Variants in ZDHHC17 observed in about 807,000 individuals in gnomAD.
ZDHHC17 encodes the protein palmitoyltransferase ZDHHC17.
A neutral mutation model predicts 90.3 loss-of-function variants in ZDHHC17; 40 were observed. The observed-to-expected ratio is 0.44, with a 90% CI of 0.34 to 0.58. ZDHHC17 has a LOEUF of 0.58. Ranked by LOEUF, ZDHHC17 falls within the 20% of genes least tolerant of loss-of-function variation. The pLI is 0.01. For missense variants in ZDHHC17, 614 were observed against 780.8 expected, an observed-to-expected ratio of 0.79 and a Z score of 2.55; for synonymous variants, 235 against 252.4, an observed-to-expected ratio of 0.93 and a Z score of 0.65.
chr12:76,832,945 C>A (rs879350423), intron 10 of ZDHHC17, among the ~76,000 whole-genome samples: 1,685 of 152,286 alleles, frequency 0.011, 11 homozygotes, highest in Non-Finnish European at 0.017. Context: ...GGCACTTTTT[C>A]AGTGCCATGA....
At chr12:76,797,940 G>C (rs1952841051) in intron 2 of ZDHHC17, among the ~76,000 whole-genome samples, 1 of 67,854 alleles carries the variant, frequency 1.5e-5, no homozygotes, top group Non-Finnish European at 2.8e-5. Flanking sequence ...GTGAAACTCT[G>C]CCACACACAC....
intron 12 of ZDHHC17, chr12:76,843,882 A>G (rs1370331764): frequency 6.6e-6 from 1 of 152,104 alleles, no homozygotes; most frequent in Non-Finnish European, 1.5e-5. Flanking sequence ...AAAATTCTTT[A>G]TTACACTTAA....
chr12:76,846,717 T>C (rs1452393754), intron 14 of ZDHHC17, 38 bp downstream of exon 14: 1 of 1,487,034 alleles, frequency 6.7e-7, no homozygotes, highest in African/African-American at 1.4e-5. Flanking sequence ...TAAAACAAAT[T>C]TCTGCATACT....
intron 2 of ZDHHC17, 104 bp downstream of exon 2, chr12:76,797,641 A>C: frequency 4.4e-4 from 369 of 840,660 alleles, no homozygotes; most frequent in Non-Finnish European, 5.5e-4. Flanking sequence ...AGTATATCTC[A>C]ATTAAAAAAT....
chr12:76,809,123 T>C lies in ZDHHC17; in HGVS notation c.398+3T>C. The C allele has an allele frequency of 6.5e-7, 1 of 1,534,048 alleles. No individual in the cohort carries two copies. The highest frequency in any genetic ancestry group is 1.3e-5 in the South Asian group (1 of 74,704). On this transcript the variant is annotated splice_donor_region_variant and intron_variant, in intron 4 of 16. Transcript: ENST00000426126. ...ACTCCATTGCACTGGGCCACAAGGT[T>C]TAAATTTGCTTCTGGATTTTTTTCC... is the stretch of plus-strand genomic sequence containing the variant.
At chr12:76,775,594 A>G (rs1165740594) in intron 1 of ZDHHC17, among the ~76,000 whole-genome samples, 1 of 152,246 alleles carries the variant, frequency 6.6e-6, no homozygotes, top group African/African-American at 2.4e-5. Flanking sequence ...ATTTGAAGTG[A>G]TAAAAAAGCA....
Position 76,853,611 on chromosome 12 carries a change from A to G in ZDHHC17, c.*2626A>G, listed in dbSNP as rs1237577514. 1 of 152,514 alleles carries G rather than the reference A, an allele frequency of 6.6e-6. No homozygotes were observed. Among genetic ancestry groups the G allele is most frequent in the African/African-American group, 2.4e-5 (1 of 41,436 alleles). 9.4% of individuals were successfully genotyped at this position (152,514 alleles called of 1,614,324 possible). Reference sequence around the variant, plus strand: ...TTATTCTGTGGAAAGAAAAACCTGTAAAGTGTTTAATAAATTAGCCCTCCT... The same window carrying G: ...TTATTCTGTGGAAAGAAAAACCTGTGAAGTGTTTAATAAATTAGCCCTCCT... On this transcript the variant is annotated 3_prime_UTR_variant, in exon 17 of 17. Coordinates refer to ENST00000426126, the MANE Select transcript of ZDHHC17 (RefSeq NM_015336.4).
intron 7 of ZDHHC17, among the ~76,000 whole-genome samples, chr12:76,816,465 A>G (rs1035220592): frequency 6.6e-6 from 1 of 152,088 alleles, no homozygotes; most frequent in Non-Finnish European, 1.5e-5. Context: ...TCTTTCAGCA[A>G]CGAACTCGTT....
intron 6 of ZDHHC17, 103 bp downstream of exon 6, chr12:76,815,313 C>T: frequency 3.1e-6 from 2 of 645,964 alleles, no homozygotes; most frequent in Non-Finnish European, 2.4e-6. Flanking sequence ...CTAATATTTA[C>T]AGTTTTTATT....
intron 10 of ZDHHC17, among the ~76,000 whole-genome samples, chr12:76,832,510 G>C (rs1340757114): frequency 6.6e-6 from 1 of 152,144 alleles, no homozygotes; most frequent in Non-Finnish European, 1.5e-5. Flanking sequence ...ATGTGGCTCT[G>C]GTCACAACAG....
chr12:76,797,335 C>A, intron 1 of ZDHHC17, 99 bp from the exon 2 acceptor site: 1 of 667,182 alleles, frequency 1.5e-6, no homozygotes, highest in Non-Finnish European at 2.4e-6. Context: ...CAGTAATTAG[C>A]ATTTCTCAAA....
At chr12:76,783,389 A>G (rs1044365565) in intron 1 of ZDHHC17, among the ~76,000 whole-genome samples, 1 of 152,190 alleles carries the variant, frequency 6.6e-6, no homozygotes, top group Non-Finnish European at 1.5e-5. Context: ...TGGTGGCAGG[A>G]AAGAGGAGAG....
At chr12:76,813,209 T>G in intron 5 of ZDHHC17, 1 of 281,108 alleles carries the variant, frequency 3.6e-6, no homozygotes, top group Non-Finnish European at 7.0e-6. Flanking sequence ...TTGGTTGAGG[T>G]CCTACGGAAA....
chr12:76,847,302 G>A (rs1051257215), intron 14 of ZDHHC17, among the ~76,000 whole-genome samples: 6 of 152,188 alleles, frequency 3.9e-5, no homozygotes, highest in Non-Finnish European at 7.3e-5. Flanking sequence ...GCATAAAGAT[G>A]TATTAGATCC....
At chr12:76,780,646 C>T (rs1200286954) in intron 1 of ZDHHC17, among the ~76,000 whole-genome samples, 1 of 152,206 alleles carries the variant, frequency 6.6e-6, no homozygotes, top group Non-Finnish European at 1.5e-5. Flanking sequence ...ATGTGCCCCA[C>T]TTTCCAAGTA....
intron 1 of ZDHHC17, among the ~76,000 whole-genome samples, chr12:76,770,926 C>CAAA (rs34292734): frequency 1.4e-4 from 11 of 76,132 alleles, no homozygotes; most frequent in African/African-American, 3.5e-4. Flanking sequence ...AACTCCATCT[C>CAAA]AAAAAAAAAA....
rs2137770383 is a variant in ZDHHC17, at chr12:76,815,870, A to G, written c.622A>G (p.Arg208Gly). 1 of 1,517,906 alleles carries G rather than the reference A, an allele frequency of 6.6e-7. No homozygotes were observed. The allele number at this position is 1,517,906 out of a possible 1,614,324, so 94.0% of individuals were successfully genotyped here. A position where few individuals can be genotyped will look rare whatever the true frequency, so the allele number is the denominator to read the frequency against. ...TTTCCTTTTCAGTGTGGATCCAACT[A>G]GATTGCTTTTAACATTCAATGTTTC... Reference protein sequence around the residue: ...AYRTHSVDPTRLLLTFNVSVN... With the variant: ...AYRTHSVDPTGLLLTFNVSVN... The change falls in exon 7 of 17, where the codon AGA becomes GGA. Residue 208 changes from arginine to glycine, a missense_variant. Around this residue, in one of 5 missense-constraint regions of ZDHHC17, gnomAD observed 358 missense variants for 380.4 expected, o/e 0.94. Transcript: ENST00000426126.
intron 1 of ZDHHC17, among the ~76,000 whole-genome samples, chr12:76,781,169 G>A (rs995304460): frequency 1.3e-5 from 2 of 148,502 alleles, no homozygotes; most frequent in Non-Finnish European, 3.0e-5. Flanking sequence ...ATAAATCCAA[G>A]TATAGTGAAA....
chr12:76,789,550 G>A (rs889472554), intron 1 of ZDHHC17, among the ~76,000 whole-genome samples: 2 of 152,156 alleles, frequency 1.3e-5, no homozygotes, highest in Non-Finnish European at 2.9e-5. Context: ...GTGACTAACT[G>A]TGGTTGAAAG....
Sources: gnomAD v4.1 joint callset for allele counts (sites outside exome capture counted in the v4.1 genomes callset) on GRCh38, gnomAD v4.1.1 for gene constraint, gnomAD v4.1.1 regional missense constraint, MANE v1.5 for transcripts, NCBI Gene and HGNC (gene_info 2026-07-23, HGNC 2026-07-21) for gene names.